The following SFI1 variants were observed in gnomAD, a reference collection of about 807,000 sequenced individuals.
The protein encoded by SFI1 is protein SFI1 homolog.
SFI1 carries 195 observed loss-of-function variants against 207.5 expected under a neutral mutation model. The observed-to-expected ratio is 0.94, with a 90% CI of 0.84 to 1.06. SFI1 has a LOEUF of 1.06. SFI1 is among the 50% of genes least tolerant of loss of function. The pLI is 0.00. For synonymous variants in SFI1, 630 were observed against 598.9 expected, an observed-to-expected ratio of 1.05 and a Z score of -0.76; for missense variants, 1,634 against 1,588.0, an observed-to-expected ratio of 1.03 and a Z score of -0.49.
rs763422153 is a variant in SFI1, at chr22:31,573,219, G to C, written c.922+5G>C. On this transcript the variant is annotated splice_donor_5th_base_variant and intron_variant, in intron 9 of 32. Transcript: ENST00000400288. Reference sequence around the variant, plus strand: ...GAGTGAAGAGACAGCAGAATGGTGAGTAGGAAGCTCCAGGCTCTCGAGATA... The same window carrying C: ...GAGTGAAGAGACAGCAGAATGGTGACTAGGAAGCTCCAGGCTCTCGAGATA... 7.4e-6 allele frequency: 12 copies of C among 1,613,432 alleles called. No homozygotes were observed. The highest frequency in any genetic ancestry group is 1.3e-5 in the African/African-American group (1 of 74,882).
chr22:31,553,838 G>GGTTTT (rs2060879989), intron 6 of SFI1, among the ~76,000 whole-genome samples: 2 of 26,308 alleles, frequency 7.6e-5, no homozygotes, highest in East Asian at 2.7e-3. Flanking sequence ...AATGGATTAT[G>GGTTTT]TTTTTTTTTT....
intron 4 of SFI1, among the ~76,000 whole-genome samples, chr22:31,546,628 C>A (rs1193432496): frequency 1.7e-5 from 2 of 120,200 alleles, no homozygotes; most frequent in Non-Finnish European, 3.6e-5. Context: ...CCGATGTTTA[C>A]TTTTTTTTTT....
At chr22:31,572,514 T>C (rs2063059066) in intron 8 of SFI1, among the ~76,000 whole-genome samples, 1 of 152,032 alleles carries the variant, frequency 6.6e-6, no homozygotes, top group African/African-American at 2.4e-5. Flanking sequence ...TTGTTTTTGT[T>C]TTTGTTTTGA....
chr22:31,541,885 G>A (rs201907565), intron 4 of SFI1, among the ~76,000 whole-genome samples: 61 of 150,910 alleles, frequency 4.0e-4, no homozygotes, highest in South Asian at 1.1e-3. Context: ...GGCGGATCAC[G>A]AGGTCAGGAG....
chr22:31,533,248 C>T (rs753519088), intron 4 of SFI1, among the ~76,000 whole-genome samples: 18 of 152,116 alleles, frequency 1.2e-4, no homozygotes, highest in Non-Finnish European at 2.4e-4. Flanking sequence ...AGTGTTCGGG[C>T]CGGGCGTGGT....
At chr22:31,561,182 T>A in intron 7 of SFI1, 108 bp from the exon 8 acceptor site, 1 of 827,444 alleles carries the variant, frequency 1.2e-6, no homozygotes, top group Non-Finnish European at 1.9e-6. Flanking sequence ...GATGGTACTA[T>A]GAAGGAGAGG....
intron 1 of SFI1, chr22:31,497,164 G>C (rs1192595581): frequency 6.6e-6 from 1 of 152,238 alleles, no homozygotes. Flanking sequence ...CTTAACTGCT[G>C]TGTAGATGTG....
chr22:31,597,666 T>G (rs62237815), intron 15 of SFI1, among the ~76,000 whole-genome samples: 12,430 of 152,238 alleles, frequency 0.082, 543 homozygotes, highest in African/African-American at 0.091. Context: ...ACTGTCCCTG[T>G]GGCCCCTGGA....
intron 5 of SFI1, among the ~76,000 whole-genome samples, chr22:31,547,908 C>A (rs1346968350): frequency 6.7e-6 from 1 of 150,360 alleles, no homozygotes; most frequent in Admixed American, 6.6e-5. Context: ...CCACACCCGG[C>A]CTTGTTTTAA....
rs779242394 is a variant in SFI1, at chr22:31,603,784, C to G, written c.1846C>G (p.Gln616Glu). 63 of 1,554,800 alleles carry G rather than the reference C, an allele frequency of 4.1e-5. No individual in the cohort carries two copies. The highest frequency in any genetic ancestry group is 5.2e-5 in the Non-Finnish European group (60 of 1,162,184). Reference protein sequence around the residue: ...RVRAAEFHMAQLLRWAWSQWR... With the variant: ...RVRAAEFHMAELLRWAWSQWR... Reference sequence around the variant, plus strand: ...GCGGGCAGCAGAATTCCACATGGCCCAGCTCCTGCGTTGGGCCTGGAGCCA... The same window carrying G: ...GCGGGCAGCAGAATTCCACATGGCCGAGCTCCTGCGTTGGGCCTGGAGCCA... The change falls in exon 18 of 33, where the codon CAG becomes GAG. Residue 616 changes from glutamine to glutamate, a missense_variant. Physicochemically the swap from Gln to Glu is conservative, Grantham distance 29. Coordinates refer to ENST00000400288, the MANE Select transcript of SFI1 (RefSeq NM_001007467.3).
chr22:31,530,181 A>C (rs1213022954), intron 3 of SFI1, among the ~76,000 whole-genome samples: 1 of 117,620 alleles, frequency 8.5e-6, no homozygotes, highest in Admixed American at 8.6e-5. Context: ...CAAAAAAAAA[A>C]AAAAAAAAAA....
chr22:31,512,067 C>T (rs900806824), intron 2 of SFI1, among the ~76,000 whole-genome samples: 4 of 152,104 alleles, frequency 2.6e-5, no homozygotes, highest in Admixed American at 6.6e-5. Flanking sequence ...TATTGGCCGG[C>T]GCAGTGGCTC....
Position 31,618,316 on chromosome 22 carries a change from G to A in SFI1, c.3627G>A (p.Val1209=). 1 of 1,609,036 alleles carries A rather than the reference G, an allele frequency of 6.2e-7. No individual in the cohort carries two copies. Among genetic ancestry groups the A allele is most frequent in the Non-Finnish European group, 8.5e-7 (1 of 1,176,660 alleles). The part of the protein sequence containing the change: ...EQQVQKELEQ[V]EMQIQLLAEE... ...TGCCTGTCCCTCCATGGCCCCAGGT[G>A]GAAATGCAGATCCAGCTGCTGGCAG... The change falls in exon 33 of 33, where the codon GTG becomes GTA. Residue 1209 remains valine, a splice_region_variant and synonymous_variant. Coordinates refer to ENST00000400288, the MANE Select transcript of SFI1 (RefSeq NM_001007467.3).
intron 8 of SFI1, among the ~76,000 whole-genome samples, chr22:31,568,233 T>C (rs1158091964): frequency 4.1e-5 from 6 of 148,044 alleles, no homozygotes; most frequent in Admixed American, 6.8e-5. Context: ...TATATTTTTT[T>C]TTTTTTACCA....
In SFI1 at chr22:31,506,700, T is replaced by C. The variant is rs140271058; in HGVS notation, c.-30-1555T>C. On this transcript the variant is annotated intron_variant, in intron 1 of 32. Transcript: ENST00000400288. ...ATCAATGTGCAAAAATTGCAGACAT[T>C]CCTGTACACCAACAACAGGCAAGCA... Among the ~76,000 whole-genome samples, 9 of 152,200 alleles carry C rather than the reference T, an allele frequency of 5.9e-5. No individual in the cohort carries two copies. In the East Asian group the frequency reaches 1.7e-3, roughly 29 times the overall value.
chr22:31,508,434 A>C (rs1438014726), intron 2 of SFI1, 58 bp downstream of exon 2: 8 of 1,263,720 alleles, frequency 6.3e-6, no homozygotes, highest in African/African-American at 1.5e-5. Flanking sequence ...TATAAAACTA[A>C]ACATTTTGTG....
At chr22:31,584,993 T>C in intron 13 of SFI1, 75 bp from the exon 14 acceptor site, 1 of 1,323,598 alleles carries the variant, frequency 7.6e-7, no homozygotes, top group South Asian at 1.2e-5. Flanking sequence ...AGGAAGTAAC[T>C]GTACCGCAAT....
Position 31,580,290 on chromosome 22 carries a change from C to CT in SFI1, c.1175dup (p.Asp394ArgfsTer37). The CT allele has an allele frequency of 1.2e-6, 2 of 1,613,904 alleles. No individual in the cohort carries two copies. The highest frequency in any genetic ancestry group is 3.3e-5 in the Admixed American group (2 of 59,992). On this transcript the variant is annotated frameshift_variant, in exon 12 of 33. Coordinates refer to ENST00000400288, the MANE Select transcript of SFI1 (RefSeq NM_001007467.3). LOFTEE classifies it high-confidence loss of function. ...TGCACAGTATTTTTGCTTTAGAGCCCTAAAAGACAATGTGACCCACGCTCA... is the reference window on the plus strand; with the variant it reads ...TGCACAGTATTTTTGCTTTAGAGCCCTTAAAAGACAATGTGACCCACGCTCA...
chr22:31,604,261 C>G, intron 18 of SFI1, 48 bp from the exon 19 acceptor site: 1 of 1,484,654 alleles, frequency 6.7e-7, no homozygotes, highest in Non-Finnish European at 9.1e-7. Context: ...GAAGCCACCC[C>G]CAACTCAGAC....
Sources: gnomAD v4.1 joint callset for allele counts (sites outside exome capture counted in the v4.1 genomes callset) on GRCh38, gnomAD v4.1.1 for gene constraint, MANE v1.5 for transcripts, NCBI Gene and HGNC (gene_info 2026-07-23, HGNC 2026-07-21) for gene names.